HCN1: variants seen among roughly 807,000 people sequenced by gnomAD.
HCN1 encodes the protein potassium/sodium hyperpolarization-activated cyclic nucleotide-gated channel 1.
HCN1 carries 13 observed loss-of-function variants against 78.9 expected under a neutral mutation model. The ratio of observed to expected loss-of-function variants is 0.16; its 90% CI spans 0.11 to 0.26. HCN1 has a LOEUF of 0.26. Among genes scored for constraint, HCN1 ranks in the 10% least tolerant of loss-of-function variants. HCN1 has a pLI of 1.00. For synonymous variants in HCN1, 552 were observed against 455.5 expected (o/e 1.21, Z -2.70); for missense variants, 810 against 1,154.3 (o/e 0.70, Z 4.32).
intron 2 of HCN1, among the ~76,000 whole-genome samples, chr5:45,592,970 T>C (rs1340354989): frequency 6.6e-6 from 1 of 152,220 alleles, no homozygotes; most frequent in Admixed American, 6.5e-5. Flanking sequence ...GGAAATTTTA[T>C]GAAAATACAA....
rs1226802525 is a variant in HCN1 at position 45,262,698 on chromosome 5, C to T, written c.1896G>A (p.Met632Ile). 1 of 1,614,096 alleles carries T rather than the reference C, an allele frequency of 6.2e-7. No homozygotes were observed. The highest frequency in any genetic ancestry group is 8.5e-7 in the Non-Finnish European group (1 of 1,180,024). ...LKQIVKHDRE[M>I]VQAIAPINYP... ...AATTGATGGGAGCGATTGCCTGCACCATCTCCCTGTCATGTTTCACAATCT... is the reference window on the plus strand; with the variant it reads ...AATTGATGGGAGCGATTGCCTGCACTATCTCCCTGTCATGTTTCACAATCT... The change falls in exon 8 of 8, where the codon ATG becomes ATA. Residue 632 changes from methionine to isoleucine, a missense_variant. Around this residue, in one of 6 missense-constraint regions of HCN1, gnomAD observed 398 missense variants for 381.3 expected, o/e 1.04. Coordinates refer to ENST00000303230, the MANE Select transcript of HCN1 (RefSeq NM_021072.4).
chr5:45,432,188 G>T (rs908042080), intron 3 of HCN1, among the ~76,000 whole-genome samples: 6 of 151,880 alleles, frequency 4.0e-5, no homozygotes, highest in Non-Finnish European at 7.4e-5. Context: ...TATTCTTTTT[G>T]TGACTACTTT....
intron 2 of HCN1, among the ~76,000 whole-genome samples, chr5:45,561,891 T>G (rs1743612437): frequency 6.6e-6 from 1 of 152,166 alleles, no homozygotes; most frequent in Non-Finnish European, 1.5e-5. Context: ...GTGAGGGTGA[T>G]GCACTCTAAT....
In HCN1 at chr5:45,397,976, A is replaced by T. The variant is rs545972027; in HGVS notation, c.1012-1266T>A. On this transcript the variant is annotated intron_variant, in intron 3 of 7. Transcript: ENST00000303230. ...TACTTATTTTTAAATTTAAATTTAA[A>T]TTTTAAATTTTACATATTTTTAAAT... Among the ~76,000 whole-genome samples the T allele has an allele frequency of 1.8e-4, 27 of 151,778 alleles. 1 individual carries two copies. The highest frequency in any genetic ancestry group is 6.0e-4 in the African/African-American group (25 of 41,526).
At chr5:45,303,356 C>T (rs567233686) in intron 6 of HCN1, among the ~76,000 whole-genome samples, 142 of 152,156 alleles carry the variant, frequency 9.3e-4, no homozygotes, top group Admixed American at 1.6e-3. Context: ...TGACTTAAGC[C>T]CCTATTATTT....
At chr5:45,492,663 G>A (rs1741913325) in intron 2 of HCN1, among the ~76,000 whole-genome samples, 1 of 151,188 alleles carries the variant, frequency 6.6e-6, no homozygotes, top group African/African-American at 2.4e-5. Flanking sequence ...ATCAAGCCTG[G>A]CTAATATTTT....
intron 6 of HCN1, among the ~76,000 whole-genome samples, chr5:45,286,815 A>T (rs1216993575): frequency 6.6e-6 from 1 of 152,042 alleles, no homozygotes; most frequent in Non-Finnish European, 1.5e-5. Flanking sequence ...GGCATTTTAA[A>T]TTTTCAAAGG....
chr5:45,348,305 C>G (rs1038303815), intron 5 of HCN1, among the ~76,000 whole-genome samples: 24 of 152,092 alleles, frequency 1.6e-4, no homozygotes, highest in Admixed American at 9.2e-4. Context: ...ACTTTACAGA[C>G]AAGCAAATGC....
chr5:45,656,932 C>A (rs1323684301), intron 1 of HCN1, among the ~76,000 whole-genome samples: 1 of 151,754 alleles, frequency 6.6e-6, no homozygotes, highest in African/African-American at 2.4e-5. Context: ...AGTATATGTT[C>A]TTTTCCCTAA....
At chr5:45,356,356 T>G (rs1010639453) in intron 4 of HCN1, among the ~76,000 whole-genome samples, 1 of 151,888 alleles carries the variant, frequency 6.6e-6, no homozygotes, top group African/African-American at 2.4e-5. Flanking sequence ...TTTTTATTTT[T>G]AAAAGTTTCT....
intron 2 of HCN1, among the ~76,000 whole-genome samples, chr5:45,525,069 G>C (rs1192901071): frequency 6.6e-6 from 1 of 151,976 alleles, no homozygotes; most frequent in Non-Finnish European, 1.5e-5. Flanking sequence ...TAGCATGAAG[G>C]GCTGTTGAAT....
intron 4 of HCN1, among the ~76,000 whole-genome samples, chr5:45,381,589 G>T (rs562247010): frequency 6.6e-6 from 1 of 152,052 alleles, no homozygotes; most frequent in Non-Finnish European, 1.5e-5. Flanking sequence ...GGCTAGGTCC[G>T]ATGTTACCTT....
intron 5 of HCN1, among the ~76,000 whole-genome samples, chr5:45,333,812 T>C (rs1473556831): frequency 1.3e-5 from 2 of 151,734 alleles, no homozygotes; most frequent in Non-Finnish European, 2.9e-5. Context: ...GTTATAGTGG[T>C]TGCACTAATT....
chr5:45,653,921 A>G (rs1014924721), intron 1 of HCN1, among the ~76,000 whole-genome samples: 2 of 152,002 alleles, frequency 1.3e-5, no homozygotes, highest in African/African-American at 4.8e-5. Context: ...AAAGTATAAT[A>G]ATAATAAATA....
At chr5:45,560,268 A>T (rs1459833933) in intron 2 of HCN1, among the ~76,000 whole-genome samples, 2 of 152,096 alleles carry the variant, frequency 1.3e-5, no homozygotes, top group South Asian at 4.1e-4. Context: ...TTGTTATTTG[A>T]TAATATGTTA....
At chr5:45,639,579 C>A (rs529344436) in intron 2 of HCN1, among the ~76,000 whole-genome samples, 3 of 152,202 alleles carry the variant, frequency 2.0e-5, no homozygotes, top group African/African-American at 7.2e-5. Context: ...AAAATTGAAA[C>A]CTCCAATATA....
intron 2 of HCN1, among the ~76,000 whole-genome samples, chr5:45,480,312 G>A (rs78255224): frequency 6.6e-6 from 1 of 151,936 alleles, no homozygotes; most frequent in Admixed American, 6.6e-5. Flanking sequence ...TTCATAAGCT[G>A]GTTTGTGTTA....
At chr5:45,651,220 G>C (rs900633326) in intron 1 of HCN1, among the ~76,000 whole-genome samples, 1 of 151,690 alleles carries the variant, frequency 6.6e-6, no homozygotes, top group Admixed American at 6.6e-5. Context: ...ACTTCTAAAA[G>C]AAAGAAATAG....
At chr5:45,546,312 A>G (rs1018604622) in intron 2 of HCN1, among the ~76,000 whole-genome samples, 2 of 151,886 alleles carry the variant, frequency 1.3e-5, no homozygotes, top group Non-Finnish European at 2.9e-5. Context: ...TTTATTTTAT[A>G]TATCACTTTT....
Sources: gnomAD v4.1 joint callset for allele counts (sites outside exome capture counted in the v4.1 genomes callset) on GRCh38, gnomAD v4.1.1 for gene constraint, gnomAD v4.1.1 regional missense constraint, MANE v1.5 for transcripts, NCBI Gene and HGNC (gene_info 2026-07-23, HGNC 2026-07-21) for gene names.